Variants in GATAD2A observed in about 807,000 individuals in gnomAD.
The protein encoded by GATAD2A is GATA zinc finger domain containing 2A.
In GATAD2A, 12 loss-of-function variants were observed where a neutral mutation model predicts 68.5. That is an observed-to-expected ratio of 0.18 (90% CI 0.11 to 0.28). The LOEUF is 0.28. GATAD2A is among the 10% of genes least tolerant of loss of function. The pLI, the probability that GATAD2A is intolerant of heterozygous loss-of-function variation, is 1.00. For synonymous variants in GATAD2A, 410 were observed against 375.3 expected (o/e 1.09, Z -1.07); for missense variants, 755 against 868.5 (o/e 0.87, Z 1.64).
At chr19:19,391,285 G>GT (rs1049407164) in intron 1 of GATAD2A, among the ~76,000 whole-genome samples, 6 of 152,074 alleles carry the variant, frequency 3.9e-5, no homozygotes, top group South Asian at 2.1e-4. Flanking sequence ...AGGGTTGTGG[G>GT]TTTTTTTGTT....
chr19:19,432,060 C>G (rs2053812283), intron 1 of GATAD2A, among the ~76,000 whole-genome samples: 1 of 152,146 alleles, frequency 6.6e-6, no homozygotes. Flanking sequence ...ACCACAACCT[C>G]CATCTCCCGG....
intron 5 of GATAD2A, 39 bp downstream of exon 5, chr19:19,494,422 G>T: frequency 7.8e-7 from 1 of 1,277,482 alleles, no homozygotes; most frequent in Non-Finnish European, 1.1e-6. Flanking sequence ...TGCCCTGCTG[G>T]CACTGCTGCT....
chr19:19,485,369 G>A (rs1417837395), intron 2 of GATAD2A, among the ~76,000 whole-genome samples: 1 of 152,202 alleles, frequency 6.6e-6, no homozygotes, highest in Admixed American at 6.5e-5. Context: ...CTGTTGCTGG[G>A]GCCCTCTGGT....
At chr19:19,437,337 C>G (rs1446162825) in intron 1 of GATAD2A, among the ~76,000 whole-genome samples, 1 of 152,028 alleles carries the variant, frequency 6.6e-6, no homozygotes, top group Non-Finnish European at 1.5e-5. Flanking sequence ...GCTGTGTTGC[C>G]CAAGCTGGTC....
At chr19:19,439,083 A>G (rs2054686428) in intron 1 of GATAD2A, among the ~76,000 whole-genome samples, 2 of 152,126 alleles carry the variant, frequency 1.3e-5, no homozygotes, top group South Asian at 4.1e-4. Context: ...CAGTGGAGGG[A>G]GCAGGGCCGG....
intron 2 of GATAD2A, among the ~76,000 whole-genome samples, chr19:19,468,423 G>A (rs1443614783): frequency 2.1e-5 from 3 of 145,696 alleles, no homozygotes; most frequent in Non-Finnish European, 4.6e-5. Flanking sequence ...GAAATAATGG[G>A]CAAAAACATA....
intron 1 of GATAD2A, among the ~76,000 whole-genome samples, chr19:19,431,784 C>T (rs1639240217): frequency 6.6e-6 from 1 of 151,706 alleles, no homozygotes; most frequent in South Asian, 2.1e-4. Flanking sequence ...CAGGCAGATA[C>T]CCCTGCCCTT....
At chr19:19,462,765 G>A (rs566240960) in intron 1 of GATAD2A, among the ~76,000 whole-genome samples, 4 of 152,324 alleles carry the variant, frequency 2.6e-5, no homozygotes, top group South Asian at 2.1e-4. Flanking sequence ...CAGTGAGAAC[G>A]AAGTGAGGCC....
chr19:19,410,264 T>A (rs2050761299), intron 1 of GATAD2A, among the ~76,000 whole-genome samples: 1 of 151,230 alleles, frequency 6.6e-6, no homozygotes, highest in South Asian at 2.1e-4. Context: ...GAGATAGGAT[T>A]TGCTGGCAGG....
intron 1 of GATAD2A, among the ~76,000 whole-genome samples, chr19:19,421,593 G>T (rs994515160): frequency 6.6e-6 from 1 of 152,150 alleles, no homozygotes; most frequent in Non-Finnish European, 1.5e-5. Context: ...CCGGCCCTGT[G>T]TTTGTTTGCC....
intron 7 of GATAD2A, 95 bp from the exon 8 acceptor site, chr19:19,498,348 A>T: frequency 1.8e-6 from 2 of 1,088,968 alleles, no homozygotes; most frequent in Non-Finnish European, 2.6e-6. Context: ...GGTACTGGTT[A>T]GTGCAGTTGA....
rs376791905 is a variant in GATAD2A at position 19,495,745 on chromosome 19, C to T, written c.625-9C>T. On this transcript the variant is annotated splice_polypyrimidine_tract_variant and intron_variant, in intron 5 of 11. Coordinates refer to ENST00000683918, the MANE Select transcript of GATAD2A (RefSeq NM_001384528.1). Reference sequence around the variant, plus strand: ...TCCATGTAAATCTGGGTCTTGGTATCGTTGGCAGACCTCTTCAGCTCGGAT... The same window carrying T: ...TCCATGTAAATCTGGGTCTTGGTATTGTTGGCAGACCTCTTCAGCTCGGAT... 63 of 1,597,998 alleles carry T rather than the reference C, an allele frequency of 3.9e-5. No homozygotes were observed. Among genetic ancestry groups the T allele is most frequent in the African/African-American group, 2.2e-4 (16 of 74,366 alleles).
chr19:19,401,002 T>G (rs2049674552), upstream of GATAD2A, among the ~76,000 whole-genome samples: 1 of 151,772 alleles, frequency 6.6e-6, no homozygotes, highest in Non-Finnish European at 1.5e-5. Context: ...TTAGCTGGTG[T>G]GGTAGCACGC....
At chr19:19,388,780 C>T (rs117131852) in intron 1 of GATAD2A, among the ~76,000 whole-genome samples, 2,785 of 152,104 alleles carry the variant, frequency 0.018, 38 homozygotes, top group East Asian at 0.053. Context: ...CTTCCCTCCC[C>T]GTGCTGAAAA....
At chr19:19,487,163 G>A (rs2059494353) in intron 2 of GATAD2A, among the ~76,000 whole-genome samples, 1 of 152,218 alleles carries the variant, frequency 6.6e-6, no homozygotes, top group South Asian at 2.1e-4. Context: ...GGACATGGGG[G>A]CTTGCCCCCT....
intron 1 of GATAD2A, among the ~76,000 whole-genome samples, chr19:19,430,818 C>T (rs1211128928): frequency 6.6e-6 from 1 of 152,168 alleles, no homozygotes; most frequent in African/African-American, 2.4e-5. Flanking sequence ...AAGGACCTCG[C>T]TAGCCTGAGC....
intron 2 of GATAD2A, among the ~76,000 whole-genome samples, chr19:19,485,674 A>G (rs546987362): frequency 2.0e-5 from 3 of 152,196 alleles, no homozygotes; most frequent in Non-Finnish European, 2.9e-5. Flanking sequence ...GAATTGAGCC[A>G]TAAAACCAGC....
chr19:19,426,976 C>T (rs948740892), intron 1 of GATAD2A, among the ~76,000 whole-genome samples: 2 of 152,172 alleles, frequency 1.3e-5, no homozygotes, highest in African/African-American at 4.8e-5. Context: ...TCTGTACACG[C>T]TTTGGCATGT....
exon 1 of GATAD2A, chr19:19,385,989 C>T (rs1320660648): frequency 6.7e-6 from 1 of 150,178 alleles, no homozygotes; most frequent in Non-Finnish European, 1.5e-5. Context: ...GTCGGTCGGT[C>T]GTCTGTCCTG....
Sources: gnomAD v4.1 joint callset for allele counts (sites outside exome capture counted in the v4.1 genomes callset) on GRCh38, gnomAD v4.1.1 for gene constraint, MANE v1.5 for transcripts, NCBI Gene and HGNC (gene_info 2026-07-23, HGNC 2026-07-21) for gene names.